Variants in EYS observed in about 807,000 individuals in gnomAD.
EYS encodes EGF-like photoreceptor maintenance factor, also known as protein eyes shut homolog.
In EYS, 250 loss-of-function variants were observed where a neutral mutation model predicts 282.1. That is an observed-to-expected ratio of 0.89 (90% confidence interval 0.80 to 0.98). The LOEUF is 0.98. Among genes scored for constraint, EYS ranks in the 50% least tolerant of loss-of-function variants. The probability of loss-of-function intolerance (pLI) is 0.00; values close to 1 mark genes in which losing one functional copy is unlikely to be tolerated. For missense variants in EYS, 4,016 were observed against 3,709.0 expected (o/e 1.08, Z -2.15); for synonymous variants, 1,355 against 1,282.9 (o/e 1.06, Z -1.20).
chr6:64,501,928 C>T (rs1294571846), intron 26 of EYS, among the ~76,000 whole-genome samples: 1 of 152,176 alleles, frequency 6.6e-6, no homozygotes, highest in African/African-American at 2.4e-5. Flanking sequence ...AGAGTGGCTC[C>T]TGCATGTACT....
chr6:64,236,162 A>G (rs1280918888), intron 30 of EYS, among the ~76,000 whole-genome samples: 1 of 152,154 alleles, frequency 6.6e-6, no homozygotes, highest in African/African-American at 2.4e-5. Flanking sequence ...TTTAATAGAG[A>G]CGGGGTTTCA....
At chr6:64,702,498 G>A (rs554113883) in intron 22 of EYS, among the ~76,000 whole-genome samples, 1 of 152,056 alleles carries the variant, frequency 6.6e-6, no homozygotes, top group African/African-American at 2.4e-5. Context: ...TGTACTTTAT[G>A]TAATCAATTC....
chr6:64,447,544 G>A (rs1001391036), intron 26 of EYS, among the ~76,000 whole-genome samples: 2 of 151,678 alleles, frequency 1.3e-5, no homozygotes, highest in Non-Finnish European at 2.9e-5. Flanking sequence ...TTCTTTAATA[G>A]GTTCCCACAA....
chr6:64,821,103 C>G (rs1192545663), intron 21 of EYS, among the ~76,000 whole-genome samples: 1 of 151,870 alleles, frequency 6.6e-6, no homozygotes, highest in African/African-American at 2.4e-5. Flanking sequence ...CATTTTTCAA[C>G]AAATGAGGCA....
intron 1 of EYS, among the ~76,000 whole-genome samples, chr6:65,663,876 T>C (rs1403736183): frequency 5.5e-4 from 78 of 140,756 alleles, no homozygotes; most frequent in African/African-American, 1.9e-3. Context: ...CTTTTTTTTT[T>C]TTTTTTTTTT....
chr6:65,601,939 T>C (rs998307099), intron 2 of EYS, among the ~76,000 whole-genome samples: 10 of 151,962 alleles, frequency 6.6e-5, no homozygotes, highest in African/African-American at 2.4e-4. Flanking sequence ...GCTTTCATAG[T>C]GGGCTTATAA....
intron 21 of EYS, among the ~76,000 whole-genome samples, chr6:64,819,448 C>T (rs1764836063): frequency 6.6e-6 from 1 of 151,896 alleles, no homozygotes; most frequent in East Asian, 1.9e-4. Flanking sequence ...AAAACTAACC[C>T]ATATATAGAA....
intron 36 of EYS, among the ~76,000 whole-genome samples, chr6:63,855,816 A>C (rs1338837259): frequency 6.6e-6 from 1 of 152,214 alleles, no homozygotes; most frequent in African/African-American, 2.4e-5. Context: ...AAACTTGCAC[A>C]TCATTTTAAA....
At chr6:64,019,567 C>T (rs927227113) in intron 33 of EYS, among the ~76,000 whole-genome samples, 3 of 151,898 alleles carry the variant, frequency 2.0e-5, no homozygotes, top group Admixed American at 6.6e-5. Context: ...CAGGCCACCA[C>T]GCCCAGCTAA....
At chr6:63,744,945 C>A in intron 41 of EYS, 1 of 414,982 alleles carries the variant, frequency 2.4e-6, no homozygotes. Context: ...ACATGATTTA[C>A]CTCATCTCCA....
chr6:64,697,472 A>G (rs1473449007), intron 22 of EYS, among the ~76,000 whole-genome samples: 2 of 152,178 alleles, frequency 1.3e-5, no homozygotes, highest in Non-Finnish European at 2.9e-5. Context: ...AGCACTGGAC[A>G]TGTCATTGAG....
chr6:64,519,463 TAAAG>T (rs1777663364), intron 26 of EYS, among the ~76,000 whole-genome samples: 1 of 151,818 alleles, frequency 6.6e-6, no homozygotes, highest in East Asian at 1.9e-4. Flanking sequence ...TTTTCCTCGG[TAAAG>T]AGATAAAGAG....
At chr6:64,487,794 C>A (rs1029203344) in intron 26 of EYS, among the ~76,000 whole-genome samples, 1 of 150,802 alleles carries the variant, frequency 6.6e-6, no homozygotes, top group African/African-American at 2.4e-5. Flanking sequence ...TAATTTATAT[C>A]AATACCTATT....
In EYS at chr6:65,494,805, G is replaced by A. The variant is rs149741810; in HGVS notation, c.606C>T (p.Cys202=). The A allele has an allele frequency of 6.2e-6, 10 of 1,613,874 alleles. No homozygotes were observed. Among genetic ancestry groups the A allele is most frequent in the African/African-American group, 2.7e-5 (2 of 74,870 alleles). The part of the protein sequence containing the change: ...EAWSKTYSCH[C]QPPFSGKYCQ... Reference sequence around the variant, plus strand: ...AGTATTTTCCAGAAAATGGAGGCTGGCAATGGCAGCTATATGTCTTGCTCC... The same window carrying A: ...AGTATTTTCCAGAAAATGGAGGCTGACAATGGCAGCTATATGTCTTGCTCC... Residue 202 remains cysteine (C), a synonymous_variant, in exon 4 of 43, where the codon TGC becomes TGT. Transcript: ENST00000503581.
At chr6:64,045,876 A>G (rs1189846250) in intron 33 of EYS, among the ~76,000 whole-genome samples, 1 of 135,640 alleles carries the variant, frequency 7.4e-6, no homozygotes, top group East Asian at 2.0e-4. Context: ...TATGTACCAT[A>G]CATTTTATAT....
chr6:65,111,793 T>C (rs1376167866), intron 12 of EYS, among the ~76,000 whole-genome samples: 1 of 152,062 alleles, frequency 6.6e-6, no homozygotes. Flanking sequence ...GTTACAGTGA[T>C]TCAAGATTGC....
intron 31 of EYS, among the ~76,000 whole-genome samples, chr6:64,102,436 T>C (rs1182139830): frequency 6.6e-6 from 1 of 152,084 alleles, no homozygotes; most frequent in Non-Finnish European, 1.5e-5. Context: ...CATAAAAATA[T>C]CTTAAATGAT....
chr6:64,614,007 G>A (rs79433204), intron 24 of EYS, among the ~76,000 whole-genome samples: 248 of 152,190 alleles, frequency 1.6e-3, no homozygotes, highest in African/African-American at 5.7e-3. Flanking sequence ...GGGGTACAGA[G>A]AAGCACATTC....
chr6:65,104,355 GAC>G (rs1774974350), intron 12 of EYS, among the ~76,000 whole-genome samples: 1 of 151,264 alleles, frequency 6.6e-6, no homozygotes, highest in African/African-American at 2.4e-5. Flanking sequence ...ATCAATTACT[GAC>G]ACATTTTAAT....
Sources: allele counts gnomAD v4.1 joint callset (sites outside exome capture counted in the v4.1 genomes callset), GRCh38; gene constraint gnomAD v4.1.1; transcripts MANE v1.5; gene names NCBI Gene and HGNC (gene_info 2026-07-23, HGNC 2026-07-21).